Variants in ELMO1 observed in about 807,000 individuals in gnomAD.
The protein encoded by ELMO1 is engulfment and cell motility 1, also known as engulfment and cell motility protein 1.
In ELMO1, 26 loss-of-function variants were observed where a neutral mutation model predicts 98.9. That is an observed-to-expected ratio of 0.26 (90% CI 0.19 to 0.36). ELMO1 has a LOEUF of 0.36. Among genes scored for constraint, ELMO1 ranks in the 10% least tolerant of loss-of-function variants. The pLI is 1.00. For missense variants in ELMO1, 627 were observed against 935.2 expected, an observed-to-expected ratio of 0.67 and a Z score of 4.30; for synonymous variants, 346 against 346.0, an observed-to-expected ratio of 1.00 and a Z score of 0.00.
At chr7:37,167,956 C>T (rs1175613783) in intron 13 of ELMO1, among the ~76,000 whole-genome samples, 2 of 152,112 alleles carry the variant, frequency 1.3e-5, no homozygotes, top group East Asian at 3.9e-4. Context: ...TTCCATTCTC[C>T]CCGTCACTTT....
chr7:36,937,445 G>C (rs1456666698), intron 16 of ELMO1, among the ~76,000 whole-genome samples: 1 of 152,222 alleles, frequency 6.6e-6, no homozygotes, highest in Non-Finnish European at 1.5e-5. Flanking sequence ...GACAGAGCAA[G>C]GCCCTGTGAG....
chr7:37,291,764 A>G (rs2130954872), intron 4 of ELMO1, among the ~76,000 whole-genome samples: 1 of 152,200 alleles, frequency 6.6e-6, no homozygotes. Context: ...AAAATACAAA[A>G]ATTAGCCAGG....
At chr7:37,313,968 C>G (rs1374298156) in intron 4 of ELMO1, among the ~76,000 whole-genome samples, 2 of 152,214 alleles carry the variant, frequency 1.3e-5, no homozygotes, top group Non-Finnish European at 2.9e-5. Flanking sequence ...CCAAGATTAT[C>G]AGTTTAGAAG....
chr7:36,975,616 G>A (rs1458329752), intron 16 of ELMO1, among the ~76,000 whole-genome samples: 3 of 152,116 alleles, frequency 2.0e-5, no homozygotes, highest in African/African-American at 7.2e-5. Flanking sequence ...GGAGGCCGAG[G>A]CGGGTGGATC....
chr7:37,092,367 T>TC (rs1491244353), intron 15 of ELMO1, among the ~76,000 whole-genome samples: 1 of 70,092 alleles, frequency 1.4e-5, no homozygotes, highest in Non-Finnish European at 2.5e-5. Context: ...ACCCATATTC[T>TC]TTTTTTTTTT....
intron 7 of ELMO1, among the ~76,000 whole-genome samples, chr7:37,237,353 G>A (rs1052162850): frequency 1.4e-4 from 22 of 152,186 alleles, no homozygotes; most frequent in African/African-American, 4.6e-4. Flanking sequence ...GCAGTAGCGC[G>A]ATCTCAGCTC....
At chr7:37,041,112 A>G (rs1462655675) in intron 15 of ELMO1, among the ~76,000 whole-genome samples, 1 of 152,068 alleles carries the variant, frequency 6.6e-6, no homozygotes, top group Admixed American at 6.5e-5. Flanking sequence ...AAAATAAATA[A>G]AAGCTATATG....
At chr7:37,164,534 C>T (rs1365253568) in intron 13 of ELMO1, among the ~76,000 whole-genome samples, 1 of 152,182 alleles carries the variant, frequency 6.6e-6, no homozygotes, top group African/African-American at 2.4e-5. Flanking sequence ...AGGAAGGGAT[C>T]CAGTTTCAGC....
At chr7:37,294,611 G>A (rs1376562770) in intron 4 of ELMO1, among the ~76,000 whole-genome samples, 1 of 152,180 alleles carries the variant, frequency 6.6e-6, no homozygotes, top group Non-Finnish European at 1.5e-5. Flanking sequence ...GCATAGTACA[G>A]TATTCTTTGT....
At chr7:37,371,270 T>TA (rs1490616874) in intron 1 of ELMO1, among the ~76,000 whole-genome samples, 14 of 152,182 alleles carry the variant, frequency 9.2e-5, no homozygotes, top group African/African-American at 2.9e-4. Flanking sequence ...AGAGCAATCT[T>TA]TACTTGAGTT....
chr7:37,287,618 G>C (rs950907005), intron 4 of ELMO1, among the ~76,000 whole-genome samples: 1 of 152,204 alleles, frequency 6.6e-6, no homozygotes, highest in Non-Finnish European at 1.5e-5. Context: ...TGACATTTGT[G>C]ATTCAAGCAA....
intron 7 of ELMO1, among the ~76,000 whole-genome samples, chr7:37,233,753 T>A (rs899648155): frequency 2.0e-5 from 3 of 152,244 alleles, no homozygotes; most frequent in African/African-American, 7.2e-5. Flanking sequence ...CATCCCTCTG[T>A]GTGGACACAC....
intron 16 of ELMO1, among the ~76,000 whole-genome samples, chr7:36,948,022 G>A (rs903514457): frequency 4.6e-5 from 7 of 152,164 alleles, no homozygotes; most frequent in Admixed American, 3.9e-4. Context: ...GTTATTGTGC[G>A]TTCTTTGACT....
At chr7:36,936,895 T>A (rs1317387659) in intron 16 of ELMO1, among the ~76,000 whole-genome samples, 1 of 152,124 alleles carries the variant, frequency 6.6e-6, no homozygotes, top group Non-Finnish European at 1.5e-5. Flanking sequence ...AAGTATAGAG[T>A]AAGCACTGAA....
intron 1 of ELMO1, among the ~76,000 whole-genome samples, chr7:37,405,671 G>C (rs1438468056): frequency 6.6e-6 from 1 of 152,162 alleles, no homozygotes; most frequent in Non-Finnish European, 1.5e-5. Context: ...ATGGGAAGGA[G>C]GGAGTCAGAA....
At chr7:37,205,341 A>C (rs945981198) in intron 13 of ELMO1, among the ~76,000 whole-genome samples, 5 of 152,224 alleles carry the variant, frequency 3.3e-5, no homozygotes, top group African/African-American at 9.6e-5. Flanking sequence ...TTTGCCAACC[A>C]GTGAATATAT....
intron 14 of ELMO1, among the ~76,000 whole-genome samples, chr7:37,111,798 G>A (rs933196380): frequency 6.6e-6 from 1 of 152,206 alleles, no homozygotes; most frequent in Non-Finnish European, 1.5e-5. Flanking sequence ...CATATGCAGA[G>A]TAGAGCCCCA....
At position 36,870,136 on chromosome 7, in the gene ELMO1, C is replaced by T. The variant is rs559967765; in HGVS notation, c.1905+257G>A. ...GAGGACAAAGTGACAATAGTGAGGG[C>T]AATTCTTAGGGTTGGAAGTAGGCAG... On this transcript the variant is annotated intron_variant, in intron 20 of 21. Transcript: ENST00000310758. The surrounding 1 kb of genome is among the most constrained non-coding windows in gnomAD (Gnocchi z 4.4). Among the ~76,000 whole-genome samples the T allele has an allele frequency of 3.3e-3, 500 of 151,954 alleles. 3 individuals are homozygous for T. Among genetic ancestry groups the T allele is most frequent in the Non-Finnish European group, 5.5e-3 (375 of 67,968 alleles).
chr7:37,185,606 G>T (rs369358510), intron 13 of ELMO1, among the ~76,000 whole-genome samples: 1 of 152,098 alleles, frequency 6.6e-6, no homozygotes, highest in Non-Finnish European at 1.5e-5. Context: ...CCCTAGATGT[G>T]ACTGATTGTG....
Sources: allele counts gnomAD v4.1 joint callset (sites outside exome capture counted in the v4.1 genomes callset), GRCh38; gene constraint gnomAD v4.1.1; non-coding constraint Gnocchi (gnomAD v3.1); transcripts MANE v1.5; gene names NCBI Gene and HGNC (gene_info 2026-07-23, HGNC 2026-07-21).